Variants in AKAP19 observed in about 807,000 individuals in gnomAD.
The protein encoded by AKAP19 is A-kinase anchoring protein 19.
the AKAP19 span, among the ~76,000 whole-genome samples, chr2:189,948,095 G>C: frequency 6.6e-6 from 1 of 152,026 alleles, no homozygotes; most frequent in African/African-American, 2.4e-5. Flanking sequence ...GTACATTGTA[G>C]GCAGTGTACT....
chr2:190,165,011 A>G, the AKAP19 span, among the ~76,000 whole-genome samples: 1 of 152,220 alleles, frequency 6.6e-6, no homozygotes, highest in African/African-American at 2.4e-5. Context: ...AATACTAAAC[A>G]TTTCCCAAAG....
chr2:189,893,584 T>A, the AKAP19 span, among the ~76,000 whole-genome samples: 1 of 152,184 alleles, frequency 6.6e-6, no homozygotes, highest in Non-Finnish European at 1.5e-5. Context: ...ATGAGCCGGG[T>A]ACCTCAGTTG....
the AKAP19 span, among the ~76,000 whole-genome samples, chr2:189,885,897 C>T: frequency 5.3e-5 from 8 of 152,242 alleles, no homozygotes; most frequent in South Asian, 1.7e-3. Context: ...CAACCTCCAC[C>T]TCCCGGGTTC....
the AKAP19 span, among the ~76,000 whole-genome samples, chr2:190,195,646 A>G: frequency 6.6e-6 from 1 of 152,190 alleles, no homozygotes. Context: ...AGTTCTTTGT[A>G]TACTTTAGAT....
chr2:189,984,307 C>T, the AKAP19 span, among the ~76,000 whole-genome samples: 1 of 152,114 alleles, frequency 6.6e-6, no homozygotes, highest in South Asian at 2.1e-4. Context: ...CAGAGACCTA[C>T]CCCTAGGTGC....
chr2:189,894,485 A>G, the AKAP19 span, among the ~76,000 whole-genome samples: 64 of 152,242 alleles, frequency 4.2e-4, no homozygotes, highest in Middle Eastern at 6.8e-3. Context: ...ACTAAAGCTC[A>G]CTGAACTCAC....
the AKAP19 span, among the ~76,000 whole-genome samples, chr2:189,970,154 A>G: frequency 1.3e-5 from 2 of 152,148 alleles, no homozygotes. Context: ...GGCATGAGCC[A>G]CTGAGCCCAG....
At chr2:189,986,867 A>G in the AKAP19 span, among the ~76,000 whole-genome samples, 1 of 152,158 alleles carries the variant, frequency 6.6e-6, no homozygotes, top group East Asian at 1.9e-4. Context: ...AGGTCAAATT[A>G]AGGATGTTGC....
At chr2:189,898,691 T>G in the AKAP19 span, among the ~76,000 whole-genome samples, 2 of 152,166 alleles carry the variant, frequency 1.3e-5, no homozygotes, top group South Asian at 2.1e-4. Flanking sequence ...ACTTGAAAGT[T>G]TTTGAGTCTC....
the AKAP19 span, chr2:190,200,298 A>T: frequency 1.5e-6 from 1 of 673,908 alleles, no homozygotes; most frequent in Admixed American, 2.9e-5. Context: ...ACTAGGATGA[A>T]ATGCATTTTA....
At chr2:190,173,789 C>G in the AKAP19 span, among the ~76,000 whole-genome samples, 1 of 152,146 alleles carries the variant, frequency 6.6e-6, no homozygotes, top group African/African-American at 2.4e-5. Context: ...AATTCAAGAT[C>G]GAGAAAATTG....
chr2:189,940,670 T>A, the AKAP19 span, among the ~76,000 whole-genome samples: 2 of 151,852 alleles, frequency 1.3e-5, no homozygotes, highest in Non-Finnish European at 2.9e-5. Context: ...CTGGGCACAG[T>A]GGCTCATGCC....
chr2:189,976,762 C>A, the AKAP19 span, among the ~76,000 whole-genome samples: 1 of 152,170 alleles, frequency 6.6e-6, no homozygotes, highest in African/African-American at 2.4e-5. Flanking sequence ...CTGTGGGCTT[C>A]GGACACTCTG....
the AKAP19 span, among the ~76,000 whole-genome samples, chr2:190,172,074 C>T: frequency 6.6e-6 from 1 of 152,184 alleles, no homozygotes; most frequent in East Asian, 1.9e-4. Flanking sequence ...GCTAGTTATT[C>T]TCTCATAGAC....
the AKAP19 span, among the ~76,000 whole-genome samples, chr2:190,078,553 C>T: frequency 1.3e-5 from 2 of 152,076 alleles, no homozygotes; most frequent in Non-Finnish European, 2.9e-5. Context: ...ATATATATTT[C>T]TGATAAGCCT....
At chr2:190,178,984 ATAACT>A in the AKAP19 span, among the ~76,000 whole-genome samples, 5 of 152,234 alleles carry the variant, frequency 3.3e-5, no homozygotes, top group Non-Finnish European at 5.9e-5. This position sits in a 1 kb window ranked among gnomAD's most constrained non-coding sequence, Gnocchi z 6.3. Flanking sequence ...AGAAAATTAC[ATAACT>A]TAAGTGAAGA....
the AKAP19 span, among the ~76,000 whole-genome samples, chr2:189,937,981 C>T: frequency 1.3e-5 from 2 of 152,156 alleles, no homozygotes; most frequent in African/African-American, 4.8e-5. Context: ...CAGCTCTGTT[C>T]ATAATAGCCA....
chr2:190,069,102 A>G, the AKAP19 span, among the ~76,000 whole-genome samples: 1 of 151,018 alleles, frequency 6.6e-6, no homozygotes. Flanking sequence ...AGGGTAGAAA[A>G]GAAGTCTCAA....
At chr2:190,159,911 A>T in the AKAP19 span, among the ~76,000 whole-genome samples, 1 of 152,206 alleles carries the variant, frequency 6.6e-6, no homozygotes, top group African/African-American at 2.4e-5. Context: ...AGCTATTATG[A>T]ACTAGAATTT....
Sources: allele counts gnomAD v4.1 joint callset (sites outside exome capture counted in the v4.1 genomes callset), GRCh38; gene constraint gnomAD v4.1.1; non-coding constraint Gnocchi (gnomAD v3.1); transcripts MANE v1.5; gene names NCBI Gene and HGNC (gene_info 2026-07-23, HGNC 2026-07-21).